The following SMCHD1 variants were observed in gnomAD, a reference collection of about 807,000 sequenced individuals.
The protein encoded by SMCHD1 is structural maintenance of chromosomes flexible hinge domain containing 1.
SMCHD1 carries 78 observed loss-of-function variants against 254.7 expected under a neutral mutation model. The ratio of observed to expected loss-of-function variants is 0.31; its 90% CI spans 0.26 to 0.37. The LOEUF (loss-of-function observed/expected upper bound fraction) is 0.37. SMCHD1 is among the 10% of genes least tolerant of loss of function. The pLI, the probability that SMCHD1 is intolerant of heterozygous loss-of-function variation, is 1.00. For synonymous variants in SMCHD1, 766 were observed against 794.9 expected (o/e 0.96, Z 0.61); for missense variants, 1,840 against 2,408.1 (o/e 0.76, Z 4.94).
In SMCHD1 at chr18:2,718,126, A is replaced by G. The variant is rs2074843415; in HGVS notation, c.2261-32A>G. 1.3e-6 allele frequency: 2 copies of G among 1,525,226 alleles called. No individual in the cohort carries two copies. Among genetic ancestry groups the G allele is most frequent in the Non-Finnish European group, 1.8e-6 (2 of 1,111,866 alleles). 94.5% of individuals were successfully genotyped at this position (1,525,226 alleles called of 1,614,324 possible). A position where few individuals can be genotyped will look rare whatever the true frequency, so the allele number is the denominator to read the frequency against. Reference sequence around the variant, plus strand: ...TTCATGTTTTACGTTGAATTTCTCAAGACACTATTGTTTCTTTTTTCTTTT... The same window carrying G: ...TTCATGTTTTACGTTGAATTTCTCAGGACACTATTGTTTCTTTTTTCTTTT... On this transcript the variant is annotated intron_variant, in intron 17 of 47. Coordinates refer to ENST00000320876, the MANE Select transcript of SMCHD1 (RefSeq NM_015295.3). The surrounding 1 kb of genome is among the most constrained non-coding windows in gnomAD (Gnocchi z 4.6).
chr18:2,757,321 C>T (rs2075700552), intron 34 of SMCHD1, among the ~76,000 whole-genome samples: 2 of 152,052 alleles, frequency 1.3e-5, no homozygotes, highest in Non-Finnish European at 2.9e-5. Flanking sequence ...AGCAATCCTC[C>T]CACCTTAGTC....
chr18:2,733,549 C>G (rs1904778620), intron 25 of SMCHD1, among the ~76,000 whole-genome samples: 1 of 152,164 alleles, frequency 6.6e-6, no homozygotes, highest in Non-Finnish European at 1.5e-5. Context: ...ACTGAGGTGA[C>G]TGATAGGTGT....
At chr18:2,663,840 G>A (rs375872693) in intron 1 of SMCHD1, among the ~76,000 whole-genome samples, 2 of 151,748 alleles carry the variant, frequency 1.3e-5, no homozygotes, top group East Asian at 3.9e-4. Context: ...TCAGCCTCCC[G>A]AGTAGTTGGG....
At chr18:2,732,239 G>T in intron 24 of SMCHD1, 26 bp from the exon 25 acceptor site, 1 of 1,568,528 alleles carries the variant, frequency 6.4e-7, no homozygotes, top group South Asian at 1.1e-5. Flanking sequence ...ATATCACTCA[G>T]TGTTTGTGTT....
Position 2,747,599 on chromosome 18 carries a change from A to C in SMCHD1, c.3879A>C (p.Ala1293=). The change falls in exon 30 of 48, where the codon GCA becomes GCC. Residue 1293 remains alanine, a synonymous_variant. Transcript: ENST00000320876. ...TTTGTGATCAGTGGGATAATCCAGC[A>C]CCGGTACAACATGTTAAAATAAGTC... ...VQLCDQWDNP[A]PVQHVKISLT... 1 of 1,609,862 alleles carries C rather than the reference A, an allele frequency of 6.2e-7. No homozygotes were observed. The highest frequency in any genetic ancestry group is 8.5e-7 in the Non-Finnish European group (1 of 1,177,376).
intron 6 of SMCHD1, 59 bp downstream of exon 6, chr18:2,688,567 G>A: frequency 6.3e-7 from 1 of 1,585,964 alleles, no homozygotes; most frequent in African/African-American, 1.4e-5. Context: ...AGTTGACTCT[G>A]TCTAAATGCA....
At position 2,739,477 on chromosome 18, in the gene SMCHD1, A is replaced by G. The variant is rs375795599; in HGVS notation, c.3471A>G (p.Gly1157=). Residue 1157 remains glycine, a synonymous_variant, in exon 27 of 48, where the codon GGA becomes GGG. Coordinates refer to ENST00000320876, the MANE Select transcript of SMCHD1 (RefSeq NM_015295.3). ...AACATTTAAAATGTGAAATGAAAGG[A>G]GGAAAAACAGTACAGATGGGCCAAG... ...EPKHLKCEMK[G]GKTVQMGQEL... is the part of the protein sequence containing the mutation. 64 of 1,613,362 alleles carry G rather than the reference A, an allele frequency of 4.0e-5. No individual in the cohort carries two copies. Among genetic ancestry groups the G allele is most frequent in the Non-Finnish European group, 5.2e-5 (61 of 1,179,530 alleles).
At chr18:2,795,415 T>C (rs2076245052) in intron 45 of SMCHD1, among the ~76,000 whole-genome samples, 1 of 152,222 alleles carries the variant, frequency 6.6e-6, no homozygotes, top group South Asian at 2.1e-4. Flanking sequence ...TGATTTTCTT[T>C]TTTTACAGTA....
chr18:2,765,994 C>T (rs1312201639), intron 37 of SMCHD1, among the ~76,000 whole-genome samples: 3 of 116,230 alleles, frequency 2.6e-5, no homozygotes, highest in African/African-American at 5.6e-5. Context: ...TAGCTATGTC[C>T]AGTTTTCTTT....
At chr18:2,701,164 G>GTTT (rs60371199) in intron 12 of SMCHD1, 88 of 196,320 alleles carry the variant, frequency 4.5e-4, no homozygotes, top group Middle Eastern at 1.7e-3. Context: ...AGTTTTTTTT[G>GTTT]TTTTTTTTTT....
At chr18:2,785,281 G>A (rs914298804) in intron 45 of SMCHD1, among the ~76,000 whole-genome samples, 12 of 152,082 alleles carry the variant, frequency 7.9e-5, no homozygotes, top group Non-Finnish European at 1.5e-4. Flanking sequence ...TCCTAACACA[G>A]AGCAGTTTGT....
chr18:2,741,076 ACAT>A (rs1329026796), intron 28 of SMCHD1, among the ~76,000 whole-genome samples: 1 of 152,222 alleles, frequency 6.6e-6, no homozygotes, highest in Non-Finnish European at 1.5e-5. Flanking sequence ...CAAATTCCAG[ACAT>A]CATACCATTT....
At chr18:2,656,395 G>C (rs2073058011) in intron 1 of SMCHD1, 134 bp downstream of exon 1, 1 of 850,322 alleles carries the variant, frequency 1.2e-6, no homozygotes, top group African/African-American at 1.8e-5. Context: ...TCCCTCTCCC[G>C]TGTGCCCGCC....
At chr18:2,769,620 GT>G (rs1343331688) in intron 37 of SMCHD1, 73 bp from the exon 38 acceptor site, 2 of 1,465,010 alleles carry the variant, frequency 1.4e-6, no homozygotes. Flanking sequence ...AGCATAATGA[GT>G]TATGTAACAT....
At chr18:2,780,830 C>T (rs1397950491) in intron 44 of SMCHD1, among the ~76,000 whole-genome samples, 1 of 152,146 alleles carries the variant, frequency 6.6e-6, no homozygotes, top group South Asian at 2.1e-4. Flanking sequence ...CTGGTTCCAG[C>T]GTATCACTAG....
At chr18:2,692,719 T>TCA in intron 7 of SMCHD1, among the ~76,000 whole-genome samples, 1 of 152,342 alleles carries the variant, frequency 6.6e-6, no homozygotes, top group South Asian at 2.1e-4. Flanking sequence ...ATCTGCTGGG[T>TCA]GACTGTCACC....
intron 24 of SMCHD1, among the ~76,000 whole-genome samples, chr18:2,732,010 CAAAAA>C (rs949938156): frequency 1.3e-5 from 2 of 150,950 alleles, no homozygotes; most frequent in Non-Finnish European, 3.0e-5. Flanking sequence ...GACTCTGTCT[CAAAAA>C]AAATAAAAAG....
intron 19 of SMCHD1, among the ~76,000 whole-genome samples, chr18:2,721,390 T>A (rs939270326): frequency 5.9e-5 from 9 of 152,236 alleles, no homozygotes; most frequent in East Asian, 1.9e-4. Flanking sequence ...TCTTTTTTTT[T>A]AAATGTTTTA....
rs59023685 is a variant in SMCHD1, at chr18:2,743,726, C to G, written c.3634-35C>G. On this transcript the variant is annotated intron_variant, in intron 28 of 47. Transcript: ENST00000320876. ...TTGTTTTTCTGAACACTAAGTGATA[C>G]CCCCTGTCTTTCTCAATGTACTTTT... is the stretch of plus-strand genomic sequence containing the variant. 57 of 1,509,222 alleles carry G rather than the reference C, an allele frequency of 3.8e-5. 1 individual carries two copies. In the Middle Eastern group the frequency reaches 5.3e-4, roughly 14 times the overall value. 93.5% of individuals were successfully genotyped at this position (1,509,222 alleles called of 1,614,324 possible).
Sources: gnomAD v4.1 joint callset for allele counts (sites outside exome capture counted in the v4.1 genomes callset) on GRCh38, gnomAD v4.1.1 for gene constraint, Gnocchi (gnomAD v3.1) non-coding constraint, MANE v1.5 for transcripts, NCBI Gene and HGNC (gene_info 2026-07-23, HGNC 2026-07-21) for gene names.